Variants in TMEM108 observed in about 807,000 individuals in gnomAD.
TMEM108 encodes transmembrane protein 108, also known as cancer/testis antigen 124.
Under a neutral mutation model 35.1 loss-of-function variants are expected in TMEM108, and 12 were observed. The observed-to-expected ratio is 0.34, with a 90% CI of 0.22 to 0.55. The LOEUF (loss-of-function observed/expected upper bound fraction) is 0.55. TMEM108 is among the 20% of genes least tolerant of loss of function. The pLI, the probability that TMEM108 is intolerant of heterozygous loss-of-function variation, is 0.89. For synonymous variants in TMEM108, 287 were observed against 308.6 expected (o/e 0.93, Z 0.73); for missense variants, 680 against 753.3 (o/e 0.90, Z 1.14).
chr3:133,225,042 ATTT>A (rs11347955), intron 2 of TMEM108, among the ~76,000 whole-genome samples: 5,663 of 112,986 alleles, frequency 0.05, 106 homozygotes, highest in Non-Finnish European at 0.07. Context: ...AAACCTCCTA[ATTT>A]TTTTTTTTTT....
chr3:133,259,817 T>G (rs1053058099), intron 3 of TMEM108, among the ~76,000 whole-genome samples: 1 of 152,156 alleles, frequency 6.6e-6, no homozygotes, highest in Non-Finnish European at 1.5e-5. Context: ...CTTGGAGGAA[T>G]GGGTCTCTCA....
At chr3:133,109,601 G>C (rs1944201643) in intron 2 of TMEM108, among the ~76,000 whole-genome samples, 1 of 152,196 alleles carries the variant, frequency 6.6e-6, no homozygotes, top group Non-Finnish European at 1.5e-5. Flanking sequence ...ACTGTTATTA[G>C]ACACAAATAC....
chr3:133,132,516 C>T (rs908601160), intron 2 of TMEM108, among the ~76,000 whole-genome samples: 4 of 152,170 alleles, frequency 2.6e-5, no homozygotes, highest in African/African-American at 9.7e-5. Flanking sequence ...ACTGTGGACA[C>T]TCACTGCTCA....
In TMEM108 at chr3:133,374,364, T is replaced by G. The variant is rs1189667567; in HGVS notation, c.41-5388T>G. The stretch of plus-strand genomic sequence containing the variant: ...TTAAAACAGCAATGCACAAAATATC[T>G]TGCAGTAGAAAACCTAGTTTAATGG... On this transcript the variant is annotated intron_variant, in intron 3 of 5. Transcript: ENST00000321871. Among the ~76,000 whole-genome samples the G allele has an allele frequency of 3.3e-5, 5 of 152,224 alleles. No individual in the cohort carries two copies. The East Asian group carries it at 9.7e-4, about 29-fold the overall frequency.
intron 2 of TMEM108, among the ~76,000 whole-genome samples, chr3:133,168,838 G>A (rs757625035): frequency 9.2e-5 from 14 of 152,062 alleles, no homozygotes; most frequent in Non-Finnish European, 1.3e-4. Flanking sequence ...GAAGGTTTGC[G>A]GCTTCACTCC....
intron 3 of TMEM108, among the ~76,000 whole-genome samples, chr3:133,345,989 T>C (rs1376902195): frequency 6.6e-6 from 1 of 152,028 alleles, no homozygotes; most frequent in Non-Finnish European, 1.5e-5. Context: ...TATTGCTGAA[T>C]AATATTTCAT....
chr3:133,394,469 TCTC>T (rs2073277723), intron 5 of TMEM108, among the ~76,000 whole-genome samples: 2 of 152,316 alleles, frequency 1.3e-5, no homozygotes, highest in South Asian at 4.1e-4. Flanking sequence ...TCCCTCCTTC[TCTC>T]CTCCCTTCTT....
rs138613843 is a variant in TMEM108, at chr3:133,263,397, C to A, written c.40+34046C>A. 6.2e-3 allele frequency among the ~76,000 whole-genome samples: 945 copies of A among 152,286 alleles called. 12 individuals carry two copies. The highest frequency in any genetic ancestry group is 0.021 in the African/African-American group (888 of 41,550). Reference sequence around the variant, plus strand: ...TGGGACTGTTTGCTACGTTTCTATTCTATCCTGATCACAATTAAAGTAAAA... The same window carrying A: ...TGGGACTGTTTGCTACGTTTCTATTATATCCTGATCACAATTAAAGTAAAA... On this transcript the variant is annotated intron_variant, in intron 3 of 5. Coordinates refer to ENST00000321871, the MANE Select transcript of TMEM108 (RefSeq NM_023943.4).
intron 2 of TMEM108, among the ~76,000 whole-genome samples, chr3:133,063,478 G>T (rs950286764): frequency 6.6e-6 from 1 of 152,150 alleles, no homozygotes; most frequent in African/African-American, 2.4e-5. Flanking sequence ...GGGGGCTAGA[G>T]GTGGAGTGAG....
intron 3 of TMEM108, among the ~76,000 whole-genome samples, chr3:133,249,811 A>G (rs1946442033): frequency 2.0e-5 from 3 of 152,164 alleles, no homozygotes. Context: ...GTGGTGAATA[A>G]ATTTTCACTA....
intron 2 of TMEM108, among the ~76,000 whole-genome samples, chr3:133,063,330 G>A (rs377473019): frequency 1.3e-5 from 2 of 152,256 alleles, no homozygotes; most frequent in East Asian, 1.9e-4. Context: ...GGGCAATATA[G>A]TCTGATTTTG....
chr3:133,215,291 C>T (rs1053407769), intron 2 of TMEM108, among the ~76,000 whole-genome samples: 4 of 150,576 alleles, frequency 2.7e-5, no homozygotes, highest in Non-Finnish European at 4.4e-5. Flanking sequence ...CTTAGAAACA[C>T]TAAACAGCAT....
chr3:133,256,950 C>G (rs1429651452), intron 3 of TMEM108: 3 of 152,156 alleles, frequency 2.0e-5, no homozygotes, highest in Non-Finnish European at 4.4e-5. Context: ...TACCCGTGAA[C>G]ATAGTTCTAA....
intron 3 of TMEM108, among the ~76,000 whole-genome samples, chr3:133,269,565 A>G (rs1946743684): frequency 6.6e-6 from 1 of 152,180 alleles, no homozygotes; most frequent in Non-Finnish European, 1.5e-5. Flanking sequence ...AGGAAAAGTG[A>G]AAGGGAAACT....
At position 133,139,009 on chromosome 3, in the gene TMEM108, A is replaced by G. The variant is rs184890723; in HGVS notation, c.-46-90257A>G. ...TCAACTCCTACTTATGAGTGAGAAC[A>G]TGCAGTGTTTGGTTTTCTGTTCCTG... On this transcript the variant is annotated intron_variant, in intron 2 of 5. Transcript: ENST00000321871. Among the ~76,000 whole-genome samples the G allele has an allele frequency of 7.0e-4, 106 of 151,808 alleles. No individual in the cohort carries two copies. The East Asian group carries it at 0.014, about 20-fold the overall frequency.
At chr3:133,105,930 G>C (rs1944144827) in intron 2 of TMEM108, among the ~76,000 whole-genome samples, 1 of 152,152 alleles carries the variant, frequency 6.6e-6, no homozygotes, top group African/African-American at 2.4e-5. Flanking sequence ...GGTCTCTTAG[G>C]GTGGTGGCTA....
chr3:133,086,444 G>A (rs912031912), intron 2 of TMEM108, among the ~76,000 whole-genome samples: 1 of 152,054 alleles, frequency 6.6e-6, no homozygotes, highest in Non-Finnish European at 1.5e-5. Context: ...TCTTCCTTGT[G>A]TTATATTTAC....
Position 133,396,056 on chromosome 3 carries a change from T to G in TMEM108, c.*70T>G. 9.0e-7 allele frequency: 1 copy of G among 1,107,720 alleles called. No homozygotes were observed. Among genetic ancestry groups the G allele is most frequent in the Non-Finnish European group, 1.1e-6 (1 of 873,844 alleles). 68.6% of individuals were successfully genotyped at this position (1,107,720 alleles called of 1,614,324 possible). ...ATTATAAATATACAAATACATATAT[T>G]ATAAATATAACCTTTGTGTAACCCT... On this transcript the variant is annotated 3_prime_UTR_variant, in exon 6 of 6. Coordinates refer to ENST00000321871, the MANE Select transcript of TMEM108 (RefSeq NM_023943.4).
intron 2 of TMEM108, among the ~76,000 whole-genome samples, chr3:133,154,214 A>G (rs1338045451): frequency 6.6e-6 from 1 of 151,942 alleles, no homozygotes; most frequent in Non-Finnish European, 1.5e-5. Flanking sequence ...AGTAGGTTGC[A>G]AAAATTTTCT....
Sources: allele counts gnomAD v4.1 joint callset (sites outside exome capture counted in the v4.1 genomes callset), GRCh38; gene constraint gnomAD v4.1.1; transcripts MANE v1.5; gene names NCBI Gene and HGNC (gene_info 2026-07-23, HGNC 2026-07-21).